TEAD1: variants seen among roughly 807,000 people sequenced by gnomAD.
TEAD1 encodes transcriptional enhancer factor TEF-1.
TEAD1 carries 9 observed loss-of-function variants against 54.9 expected under a neutral mutation model. The observed-to-expected ratio is 0.16, with a 90% confidence interval of 0.10 to 0.29. The LOEUF (loss-of-function observed/expected upper bound fraction) is 0.29, where lower values mean the gene tolerates loss of function less well. Among genes scored for constraint, TEAD1 ranks in the 10% least tolerant of loss-of-function variants. TEAD1 has a pLI of 1.00. For missense variants in TEAD1, 387 were observed against 535.9 expected (o/e 0.72, Z 2.74); for synonymous variants, 200 against 187.8 (o/e 1.07, Z -0.53).
At position 12,939,562 on chromosome 11, in the gene TEAD1, G is replaced by T. The variant is rs893647412; in HGVS notation, c.*2340G>T. ...AGAAGAACAGCTAGAGGACAACTCT[G>T]TTGGCACAGAGACGGGGACAGCCCA... On this transcript the variant is annotated 3_prime_UTR_variant, in exon 13 of 13. Coordinates refer to ENST00000527636, the MANE Select transcript of TEAD1 (RefSeq NM_021961.6). 1.5e-4 allele frequency: 23 copies of T among 152,270 alleles called. No homozygotes were observed. The highest frequency in any genetic ancestry group is 5.1e-4 in the African/African-American group (21 of 41,450). The allele number at this position is 152,270 out of a possible 1,614,324, so 9.4% of individuals were successfully genotyped here.
rs199642710 is a variant in TEAD1 at position 12,837,067 on chromosome 11, G to A, written c.203-25183G>A. Among the ~76,000 whole-genome samples the A allele has an allele frequency of 1.8e-4, 28 of 152,254 alleles. 2 individuals carry two copies. In the East Asian group the frequency reaches 5.2e-3, roughly 28 times the overall value. ...CTCATATATACCCTAGTGTATAAAAGCAAACAACTTAATTAACTTACTCTT... is the reference window on the plus strand; with the variant it reads ...CTCATATATACCCTAGTGTATAAAAACAAACAACTTAATTAACTTACTCTT... On this transcript the variant is annotated intron_variant, in intron 3 of 12. Coordinates refer to ENST00000527636, the MANE Select transcript of TEAD1 (RefSeq NM_021961.6).
chr11:12,821,342 C>G (rs1452278380), intron 3 of TEAD1, among the ~76,000 whole-genome samples: 2 of 152,186 alleles, frequency 1.3e-5, no homozygotes, highest in Non-Finnish European at 2.9e-5. Flanking sequence ...TGACCCTGTT[C>G]TCCTCCCAAA....
intron 12 of TEAD1, among the ~76,000 whole-genome samples, chr11:12,934,175 G>A (rs1175784842): frequency 1.3e-5 from 2 of 152,156 alleles, no homozygotes; most frequent in African/African-American, 4.8e-5. Flanking sequence ...AAGAAAATGT[G>A]GCACATATAC....
chr11:12,755,123 T>A (rs369121645), intron 2 of TEAD1, among the ~76,000 whole-genome samples: 1 of 152,334 alleles, frequency 6.6e-6, no homozygotes, highest in African/African-American at 2.4e-5. Context: ...GAGTCTCACC[T>A]GGCCTTTAGT....
At chr11:12,933,980 G>A (rs61878820) in intron 12 of TEAD1, among the ~76,000 whole-genome samples, 7,589 of 152,222 alleles carry the variant, frequency 0.05, 204 homozygotes, top group African/African-American at 0.073. Context: ...TCAGTGTGGC[G>A]ATTCCTCAGG....
rs372385464 is a variant in TEAD1 at position 12,816,863 on chromosome 11, T to C, written c.203-45387T>C. ...TGATGATGGCATTACAATGAGAATG[T>C]AGAGAACCTACAACTGCTGCACCCC... On this transcript the variant is annotated intron_variant, in intron 3 of 12. Coordinates refer to ENST00000527636, the MANE Select transcript of TEAD1 (RefSeq NM_021961.6). 5.3e-4 allele frequency among the ~76,000 whole-genome samples: 81 copies of C among 152,292 alleles called. 3 individuals carry two copies. The South Asian group carries it at 0.015, about 28-fold the overall frequency.
Position 12,815,752 on chromosome 11 carries a change from T to C in TEAD1, c.203-46498T>C, listed in dbSNP as rs933183300. On this transcript the variant is annotated intron_variant, in intron 3 of 12. Transcript: ENST00000527636. ...ACTTATGTGTTCTTCAGGACACAGA[T>C]GGGGCCAAAGGACAAATTTTCTGTG... Among the ~76,000 whole-genome samples the C allele has an allele frequency of 3.3e-5, 5 of 152,320 alleles. No individual in the cohort carries two copies. In the East Asian group the frequency reaches 7.7e-4, roughly 24 times the overall value.
chr11:12,821,838 A>G (rs1946551693), intron 3 of TEAD1, among the ~76,000 whole-genome samples: 1 of 151,740 alleles, frequency 6.6e-6, no homozygotes, highest in South Asian at 2.1e-4. Flanking sequence ...TGGAACACAC[A>G]TGTCAGCTCG....
intron 2 of TEAD1, among the ~76,000 whole-genome samples, chr11:12,707,266 G>C (rs1427492833): frequency 6.6e-6 from 1 of 151,964 alleles, no homozygotes; most frequent in South Asian, 2.1e-4. Flanking sequence ...CCGAGACCTG[G>C]GATCACCCTT....
At chr11:12,675,888 G>A (rs1167353219) in intron 2 of TEAD1, among the ~76,000 whole-genome samples, 1 of 152,126 alleles carries the variant, frequency 6.6e-6, no homozygotes, top group African/African-American at 2.4e-5. Context: ...ATTTAAAGTT[G>A]GATAGTGTCA....
intron 2 of TEAD1, among the ~76,000 whole-genome samples, chr11:12,742,553 CA>C (rs948988177): frequency 3.3e-5 from 5 of 151,928 alleles, no homozygotes; most frequent in African/African-American, 1.2e-4. Context: ...TGGTATATTT[CA>C]AAATGGCAAA....
At chr11:12,902,617 A>G (rs1948444763) in intron 10 of TEAD1, among the ~76,000 whole-genome samples, 1 of 152,158 alleles carries the variant, frequency 6.6e-6, no homozygotes, top group African/African-American at 2.4e-5. Context: ...CATAAGTATA[A>G]TGTGTGTGTG....
At chr11:12,913,255 T>A (rs1366648765) in intron 10 of TEAD1, among the ~76,000 whole-genome samples, 1 of 152,052 alleles carries the variant, frequency 6.6e-6, no homozygotes, top group Non-Finnish European at 1.5e-5. Context: ...TACCCCCCAG[T>A]CCACCCCATG....
chr11:12,713,686 A>G (rs1291952288), intron 2 of TEAD1, among the ~76,000 whole-genome samples: 2 of 152,172 alleles, frequency 1.3e-5, no homozygotes, highest in Non-Finnish European at 2.9e-5. Flanking sequence ...GCGATCTTAT[A>G]TCTCATAGGA....
chr11:12,816,597 CTT>C (rs532089509), intron 3 of TEAD1, among the ~76,000 whole-genome samples: 25 of 152,224 alleles, frequency 1.6e-4, no homozygotes, highest in South Asian at 6.2e-4. Flanking sequence ...CTTTGGGTGA[CTT>C]TTTTCTCCTG....
chr11:12,851,170 G>A lies in TEAD1; in HGVS notation c.203-11080G>A, dbSNP rs1014756395. 3.5e-6 allele frequency: 3 copies of A among 864,174 alleles called. No homozygotes were observed. The African/African-American group carries it at 5.5e-5, about 16-fold the overall frequency. The allele number at this position is 864,174 out of a possible 1,614,324, so 53.5% of individuals were successfully genotyped here. On this transcript the variant is annotated intron_variant, in intron 3 of 12. Transcript: ENST00000527636. Reference sequence around the variant, plus strand: ...TATTTCATGATCTCACTTATACGTGGAATCTTAAAAAAAAGTCATACATAT... The same window carrying A: ...TATTTCATGATCTCACTTATACGTGAAATCTTAAAAAAAAGTCATACATAT...
intron 2 of TEAD1, among the ~76,000 whole-genome samples, chr11:12,762,069 C>T (rs1422033380): frequency 1.3e-5 from 2 of 152,188 alleles, no homozygotes; most frequent in Non-Finnish European, 2.9e-5. Flanking sequence ...AGATCCCATT[C>T]CCTGCTATCC....
At chr11:12,872,764 A>G (rs758983386) in intron 5 of TEAD1, among the ~76,000 whole-genome samples, 29 of 152,202 alleles carry the variant, frequency 1.9e-4, no homozygotes, top group Non-Finnish European at 2.5e-4. Flanking sequence ...AATGACATCT[A>G]TCCAAAAGGT....
At chr11:12,884,572 C>A (rs969995106) in intron 9 of TEAD1, among the ~76,000 whole-genome samples, 7 of 152,156 alleles carry the variant, frequency 4.6e-5, no homozygotes, top group African/African-American at 1.4e-4. Context: ...CTTGACCAGT[C>A]ATCACCAGAG....
Sources: gnomAD v4.1 joint callset for allele counts (sites outside exome capture counted in the v4.1 genomes callset) on GRCh38, gnomAD v4.1.1 for gene constraint, MANE v1.5 for transcripts, NCBI Gene and HGNC (gene_info 2026-07-23, HGNC 2026-07-21) for gene names.